Variants in SLC36A1 observed in about 807,000 individuals in gnomAD.
The protein encoded by SLC36A1 is proton-coupled amino acid transporter 1.
SLC36A1 carries 30 observed loss-of-function variants against 47.5 expected under a neutral mutation model. The observed-to-expected ratio is 0.63, with a 90% CI of 0.47 to 0.86. SLC36A1 has a LOEUF of 0.86. Among genes scored for constraint, SLC36A1 ranks in the 40% least tolerant of loss-of-function variants. The pLI is 0.00. For missense variants in SLC36A1, 517 were observed against 606.0 expected (o/e 0.85, Z 1.54); for synonymous variants, 255 against 249.7 (o/e 1.02, Z -0.20).
At chr5:151,494,875 G>A (rs1243456631), downstream of SLC36A1, among the ~76,000 whole-genome samples, 2 of 152,118 alleles carry the variant, frequency 1.3e-5, no homozygotes, top group African/African-American at 2.4e-5. Flanking sequence ...GTGCTTCCCA[G>A]TGGCCATTCG....
the SLC36A1 span, among the ~76,000 whole-genome samples, chr5:151,552,902 G>A: frequency 6.6e-6 from 1 of 152,196 alleles, no homozygotes; most frequent in African/African-American, 2.4e-5. Context: ...AACCATTTTA[G>A]GTCTCCTAGG....
the SLC36A1 span, among the ~76,000 whole-genome samples, chr5:151,399,155 C>T: frequency 4.4e-5 from 6 of 136,704 alleles, no homozygotes; most frequent in African/African-American, 1.1e-4. Flanking sequence ...GGTGCGATTT[C>T]GGCTCACTGC....
At chr5:151,380,951 T>A in the SLC36A1 span, 2 of 395,586 alleles carry the variant, frequency 5.1e-6, no homozygotes, top group Non-Finnish European at 1.0e-5. Flanking sequence ...GTTAGCTAAT[T>A]TGGTTGTGTG....
chr5:151,434,891 T>A (rs575507241), upstream of SLC36A1, among the ~76,000 whole-genome samples: 57 of 152,332 alleles, frequency 3.7e-4, no homozygotes, highest in African/African-American at 1.3e-3. Context: ...AATAAATGTT[T>A]GTTGTTTAAG....
At chr5:151,373,831 T>C in the SLC36A1 span, among the ~76,000 whole-genome samples, 1 of 152,068 alleles carries the variant, frequency 6.6e-6, no homozygotes, top group Non-Finnish European at 1.5e-5. Context: ...AACTCCTGGG[T>C]TCAAGCAATC....
At chr5:151,436,801 C>G (rs1399643884), upstream of SLC36A1, among the ~76,000 whole-genome samples, 2 of 152,116 alleles carry the variant, frequency 1.3e-5, no homozygotes, top group African/African-American at 2.4e-5. Flanking sequence ...CTCAGAGTTG[C>G]AAGATCTGAG....
At chr5:151,414,520 A>G in the SLC36A1 span, among the ~76,000 whole-genome samples, 1 of 152,160 alleles carries the variant, frequency 6.6e-6, no homozygotes, top group African/African-American at 2.4e-5. Flanking sequence ...TTGAAAAAAT[A>G]TCCTGTTTCA....
the SLC36A1 span, among the ~76,000 whole-genome samples, chr5:151,356,310 C>T: frequency 8.4e-6 from 1 of 118,372 alleles, no homozygotes; most frequent in African/African-American, 3.2e-5. Context: ...TGCACTCCAG[C>T]CTAGGCAACA....
chr5:151,482,108 G>A (rs1758878222), intron 10 of SLC36A1, among the ~76,000 whole-genome samples: 1 of 152,178 alleles, frequency 6.6e-6, no homozygotes, highest in African/African-American at 2.4e-5. Flanking sequence ...GTTCAGACTG[G>A]AATGCAGAGC....
the SLC36A1 span, chr5:151,380,808 T>C: frequency 2.0e-6 from 1 of 506,800 alleles, no homozygotes; most frequent in Non-Finnish European, 4.0e-6. Context: ...CAGGAAATGG[T>C]TCCACCAGAA....
the SLC36A1 span, among the ~76,000 whole-genome samples, chr5:151,514,481 C>A: frequency 6.6e-6 from 1 of 152,242 alleles, no homozygotes; most frequent in South Asian, 2.1e-4. Flanking sequence ...ATGGAAAAAG[C>A]TAACTCTCCA....
chr5:151,545,433 A>T, the SLC36A1 span: 1 of 1,614,182 alleles, frequency 6.2e-7, no homozygotes. Context: ...CTGAGTCTTC[A>T]TCGCTGGCCC....
chr5:151,362,708 G>A, the SLC36A1 span, among the ~76,000 whole-genome samples: 1 of 152,086 alleles, frequency 6.6e-6, no homozygotes, highest in Non-Finnish European at 1.5e-5. Context: ...GATTGATTCT[G>A]CTGTTGAGAC....
rs1248753712 is a variant in SLC36A1 at position 151,447,688 on chromosome 5, A to AGAGCCG, written c.-120_-115dup. On this transcript the variant is annotated 5_prime_UTR_variant, in exon 1 of 11. Transcript: ENST00000243389. ...GGGAAGGGTGGGCTGTGCTGAAGCC[A>AGAGCCG]GAGCCGGAGCCGGAGCTGGGGCCAG... is the stretch of plus-strand genomic sequence containing the variant. 2 of 153,052 alleles carry AGAGCCG rather than the reference A, an allele frequency of 1.3e-5. No individual in the cohort carries two copies. Among genetic ancestry groups the AGAGCCG allele is most frequent in the Admixed American group, 6.5e-5 (1 of 15,298 alleles). The allele number at this position is 153,052 out of a possible 1,614,324, so 9.5% of individuals were successfully genotyped here.
At chr5:151,378,196 C>G in the SLC36A1 span, 2 of 261,046 alleles carry the variant, frequency 7.7e-6, no homozygotes, top group Non-Finnish European at 1.6e-5. Context: ...TTTTAATCTT[C>G]TTCATGAGAC....
At chr5:151,537,020 A>G in the SLC36A1 span, among the ~76,000 whole-genome samples, 1 of 152,164 alleles carries the variant, frequency 6.6e-6, no homozygotes, top group Non-Finnish European at 1.5e-5. Context: ...ACCCCTGGCT[A>G]ACACTTCTGT....
Position 151,479,314 on chromosome 5 carries a change from C to G in SLC36A1, c.990-6C>G, listed in dbSNP as rs76045127. On this transcript the variant is annotated splice_region_variant and splice_polypyrimidine_tract_variant and intron_variant, in intron 9 of 10. Coordinates refer to ENST00000243389, the MANE Select transcript of SLC36A1 (RefSeq NM_078483.4). ...GGCTTGGAATGTCTCCTGTCTGTTTCGGCAGGTTGTACCAGTCAGTTAAGC... is the reference window on the plus strand; with the variant it reads ...GGCTTGGAATGTCTCCTGTCTGTTTGGGCAGGTTGTACCAGTCAGTTAAGC... 4.9e-4 allele frequency: 792 copies of G among 1,613,062 alleles called. 3 individuals carry two copies. The African/African-American group carries it at 7.3e-3, about 15-fold the overall frequency.
intron 7 of SLC36A1, among the ~76,000 whole-genome samples, chr5:151,470,222 G>A (rs1757124031): frequency 6.6e-6 from 1 of 152,104 alleles, no homozygotes; most frequent in Non-Finnish European, 1.5e-5. Flanking sequence ...AGAGCACCTA[G>A]GATATACTCC....
At chr5:151,424,021 G>T in the SLC36A1 span, among the ~76,000 whole-genome samples, 1 of 152,152 alleles carries the variant, frequency 6.6e-6, no homozygotes, top group Non-Finnish European at 1.5e-5. Flanking sequence ...ATGTACACGG[G>T]AAGACTAAGA....
Sources: allele counts gnomAD v4.1 joint callset (sites outside exome capture counted in the v4.1 genomes callset), GRCh38; gene constraint gnomAD v4.1.1; transcripts MANE v1.5; gene names NCBI Gene and HGNC (gene_info 2026-07-23, HGNC 2026-07-21).